HMGCLL1: variants seen among roughly 807,000 people sequenced by gnomAD.
HMGCLL1 encodes 3-hydroxymethyl-3-methylglutaryl-CoA lyase, cytoplasmic.
A neutral mutation model predicts 39.1 loss-of-function variants in HMGCLL1; 36 were observed. The observed-to-expected ratio is 0.92, with a 90% CI of 0.71 to 1.22. HMGCLL1 has a LOEUF of 1.22. Among genes scored for constraint, HMGCLL1 ranks in the 50% most tolerant of loss-of-function variants. The pLI is 0.00. For synonymous variants in HMGCLL1, 149 were observed against 144.0 expected (o/e 1.03, Z -0.25); for missense variants, 451 against 416.5 (o/e 1.08, Z -0.72).
chr6:55,635,525 A>T, the HMGCLL1 span, among the ~76,000 whole-genome samples: 2 of 152,190 alleles, frequency 1.3e-5, no homozygotes, highest in Admixed American at 1.3e-4. Flanking sequence ...CTGTAGTTGA[A>T]CAGATTAGCT....
chr6:55,600,650 G>A, the HMGCLL1 span, among the ~76,000 whole-genome samples: 1 of 152,030 alleles, frequency 6.6e-6, no homozygotes, highest in Admixed American at 6.6e-5. Flanking sequence ...GATATGCAAT[G>A]TAATTCTAAA....
intron 1 of HMGCLL1, among the ~76,000 whole-genome samples, chr6:55,555,547 C>T (rs1179057115): frequency 6.6e-6 from 1 of 152,178 alleles, no homozygotes; most frequent in Non-Finnish European, 1.5e-5. Flanking sequence ...ATCTTTAGAA[C>T]CGATCCTGTT....
chr6:55,477,309 T>TAA (rs1765443236), intron 7 of HMGCLL1, among the ~76,000 whole-genome samples: 4 of 13,552 alleles, frequency 3.0e-4, no homozygotes, highest in African/African-American at 2.6e-3. Flanking sequence ...ATATATTATA[T>TAA]ATATAATATA....
At chr6:55,664,316 T>G in the HMGCLL1 span, among the ~76,000 whole-genome samples, 8,345 of 151,870 alleles carry the variant, frequency 0.055, 391 homozygotes, top group Non-Finnish European at 0.077. Flanking sequence ...TAATGGTCTT[T>G]CCATATTTAG....
At chr6:55,635,801 G>A in the HMGCLL1 span, among the ~76,000 whole-genome samples, 1 of 152,178 alleles carries the variant, frequency 6.6e-6, no homozygotes, top group African/African-American at 2.4e-5. Context: ...CAGCCCTATT[G>A]ATGCTGGCCA....
chr6:55,632,245 T>C, the HMGCLL1 span, among the ~76,000 whole-genome samples: 7 of 151,974 alleles, frequency 4.6e-5, no homozygotes, highest in Non-Finnish European at 1.0e-4. Context: ...TACAATAATA[T>C]TGACAATTTA....
At chr6:55,611,739 T>C in the HMGCLL1 span, among the ~76,000 whole-genome samples, 7 of 152,156 alleles carry the variant, frequency 4.6e-5, no homozygotes, top group African/African-American at 1.7e-4. Context: ...AAAAAGGCCT[T>C]TGATAAAATG....
the HMGCLL1 span, among the ~76,000 whole-genome samples, chr6:55,672,057 A>T: frequency 6.6e-6 from 1 of 151,764 alleles, no homozygotes; most frequent in Non-Finnish European, 1.5e-5. Flanking sequence ...AGGAACAGGG[A>T]ACCAGGGGAC....
chr6:55,622,411 A>G, the HMGCLL1 span, among the ~76,000 whole-genome samples: 1 of 152,096 alleles, frequency 6.6e-6, no homozygotes, highest in Non-Finnish European at 1.5e-5. Context: ...TCAGTCTGTC[A>G]TATATGGCGT....
the HMGCLL1 span, among the ~76,000 whole-genome samples, chr6:55,584,231 A>G: frequency 6.6e-6 from 1 of 152,080 alleles, no homozygotes; most frequent in Non-Finnish European, 1.5e-5. Flanking sequence ...ATTTTCTCTG[A>G]GTATTATATT....
At chr6:55,568,317 T>C (rs959208525) in intron 1 of HMGCLL1, among the ~76,000 whole-genome samples, 3 of 152,104 alleles carry the variant, frequency 2.0e-5, no homozygotes, top group Non-Finnish European at 2.9e-5. Context: ...TTCCTGCTTG[T>C]TGAATGATAA....
In HMGCLL1 at chr6:55,504,827, G is replaced by A. The variant is rs186422206; in HGVS notation, c.543-5528C>T. Reference sequence around the variant, plus strand: ...TGTCATTTTTACCTTCTGAATACTTGTCTAAGACATTCCTAATTTTTATAG... The same window carrying A: ...TGTCATTTTTACCTTCTGAATACTTATCTAAGACATTCCTAATTTTTATAG... On this transcript the variant is annotated intron_variant, in intron 5 of 8. Coordinates refer to ENST00000274901, the MANE Select transcript of HMGCLL1 (RefSeq NM_001042406.2). Among the ~76,000 whole-genome samples, 232 of 151,644 alleles carry A rather than the reference G, an allele frequency of 1.5e-3. No individual in the cohort carries two copies. In the Middle Eastern group the frequency reaches 0.041, roughly 27 times the overall value.
intron 1 of HMGCLL1, among the ~76,000 whole-genome samples, chr6:55,570,209 T>C (rs1476448546): frequency 6.6e-6 from 1 of 152,238 alleles, no homozygotes; most frequent in African/African-American, 2.4e-5. Context: ...TTTCCTGTTA[T>C]AGTAAGATTC....
chr6:55,625,384 T>C, the HMGCLL1 span, among the ~76,000 whole-genome samples: 1 of 152,112 alleles, frequency 6.6e-6, no homozygotes. Flanking sequence ...CATGAGGAAG[T>C]GGCTCAAATG....
intron 7 of HMGCLL1, among the ~76,000 whole-genome samples, chr6:55,492,541 A>G (rs1026673463): frequency 7.2e-5 from 11 of 152,234 alleles, no homozygotes; most frequent in African/African-American, 2.7e-4. Context: ...ATACAGTTTC[A>G]AGAAAGCAGT....
At position 55,485,378 on chromosome 6, in the gene HMGCLL1, G is replaced by C. The variant is rs556791994; in HGVS notation, c.795+10041C>G. ...GCCAGAATGAGCTACTTGAAGACAT[G>C]ACAATGCTTTTTATCGTGGCTGTGT... On this transcript the variant is annotated intron_variant, in intron 7 of 8. Transcript: ENST00000274901. Among the ~76,000 whole-genome samples, 7 of 152,114 alleles carry C rather than the reference G, an allele frequency of 4.6e-5. No homozygotes were observed. The East Asian group carries it at 1.4e-3, about 29-fold the overall frequency.
In HMGCLL1 at chr6:55,553,178, T is replaced by TAA. The variant is rs1554158772; in HGVS notation, c.109-11039_109-11038insTT. Reference sequence around the variant, plus strand: ...CTCTCTCTATATATATATATATACATACACACACACACACACACACACACA... The same window carrying TAA: ...CTCTCTCTATATATATATATATACATAAACACACACACACACACACACACACA... On this transcript the variant is annotated intron_variant, in intron 1 of 8. Coordinates refer to ENST00000274901, the MANE Select transcript of HMGCLL1 (RefSeq NM_001042406.2). Among the ~76,000 whole-genome samples, 4 of 30,596 alleles carry TAA rather than the reference T, an allele frequency of 1.3e-4. No homozygotes were observed. In the East Asian group the frequency reaches 7.2e-3, roughly 55 times the overall value. The allele number at this position is 30,596 out of a possible 152,430, so 20.1% of individuals were successfully genotyped here.
At chr6:55,494,376 A>G (rs1212389398) in intron 7 of HMGCLL1, among the ~76,000 whole-genome samples, 1 of 152,206 alleles carries the variant, frequency 6.6e-6, no homozygotes, top group Non-Finnish European at 1.5e-5. Flanking sequence ...AACACAGGAT[A>G]CTGAAGTGCT....
chr6:55,602,275 T>A, the HMGCLL1 span, among the ~76,000 whole-genome samples: 1 of 152,076 alleles, frequency 6.6e-6, no homozygotes, highest in Admixed American at 6.6e-5. Flanking sequence ...GTTAATGTTA[T>A]TTACACTCCC....
Sources: allele counts gnomAD v4.1 joint callset (sites outside exome capture counted in the v4.1 genomes callset), GRCh38; gene constraint gnomAD v4.1.1; transcripts MANE v1.5; gene names NCBI Gene and HGNC (gene_info 2026-07-23, HGNC 2026-07-21).